ALK: variants seen among roughly 807,000 people sequenced by gnomAD.
The protein encoded by ALK is ALK receptor tyrosine kinase, also known as ALK tyrosine kinase receptor.
A neutral mutation model predicts 163.1 loss-of-function variants in ALK; 74 were observed. The observed-to-expected ratio is 0.45, with a 90% CI of 0.38 to 0.55. The LOEUF (loss-of-function observed/expected upper bound fraction) is 0.55. ALK is among the 20% of genes least tolerant of loss of function. The pLI is 0.00. For missense variants in ALK, 2,063 were observed against 2,105.3 expected (o/e 0.98, Z 0.39); for synonymous variants, 960 against 843.2 (o/e 1.14, Z -2.40).
At chr2:29,636,858 T>C (rs1676548950) in intron 3 of ALK, among the ~76,000 whole-genome samples, 1 of 152,190 alleles carries the variant, frequency 6.6e-6, no homozygotes, top group Admixed American at 6.5e-5. Context: ...TATCATTAAC[T>C]ATTAGGAAAA....
chr2:29,612,625 C>G (rs946216749), intron 3 of ALK, among the ~76,000 whole-genome samples: 1 of 152,206 alleles, frequency 6.6e-6, no homozygotes, highest in Admixed American at 6.5e-5. Flanking sequence ...AAACTTCTCT[C>G]TCTTTTCACC....
At chr2:29,537,129 G>A (rs1303028996) in intron 3 of ALK, among the ~76,000 whole-genome samples, 1 of 152,214 alleles carries the variant, frequency 6.6e-6, no homozygotes, top group Non-Finnish European at 1.5e-5. Context: ...TTTCAGGGGA[G>A]GAATTCAAGT....
intron 3 of ALK, among the ~76,000 whole-genome samples, chr2:29,671,050 T>G (rs1164329670): frequency 6.6e-6 from 1 of 152,054 alleles, no homozygotes; most frequent in Non-Finnish European, 1.5e-5. Context: ...CCCTGTTAGC[T>G]GTTGTTTTGT....
At chr2:29,655,899 T>A (rs1331754616) in intron 3 of ALK, among the ~76,000 whole-genome samples, 1 of 152,194 alleles carries the variant, frequency 6.6e-6, no homozygotes, top group African/African-American at 2.4e-5. Flanking sequence ...TGACATATGG[T>A]CATGCTAGCT....
chr2:29,810,629 C>A (rs1313308337), intron 1 of ALK, among the ~76,000 whole-genome samples: 1 of 152,108 alleles, frequency 6.6e-6, no homozygotes, highest in Non-Finnish European at 1.5e-5. Flanking sequence ...ACTGGCCTGA[C>A]AACTTTGTGC....
chr2:29,701,623 C>T (rs1053820650), intron 2 of ALK, among the ~76,000 whole-genome samples: 1 of 152,150 alleles, frequency 6.6e-6, no homozygotes, highest in African/African-American at 2.4e-5. Context: ...GCAACGCATG[C>T]TGTAGTGTGT....
At chr2:29,837,506 T>A (rs1209849230) in intron 1 of ALK, among the ~76,000 whole-genome samples, 2 of 152,114 alleles carry the variant, frequency 1.3e-5, no homozygotes, top group African/African-American at 4.8e-5. Flanking sequence ...AGATAATTGC[T>A]CCCATAACTG....
At chr2:29,461,717 C>T (rs922440373) in intron 4 of ALK, among the ~76,000 whole-genome samples, 3 of 152,220 alleles carry the variant, frequency 2.0e-5, no homozygotes, top group East Asian at 3.9e-4. Context: ...ATAAGGAAGT[C>T]AATATTGTAT....
intron 3 of ALK, among the ~76,000 whole-genome samples, chr2:29,620,116 G>A (rs1675987096): frequency 6.6e-6 from 1 of 152,198 alleles, no homozygotes; most frequent in Non-Finnish European, 1.5e-5. Context: ...TTAAAAGTAG[G>A]AAAAACTTTG....
intron 2 of ALK, among the ~76,000 whole-genome samples, chr2:29,714,621 C>T (rs1296700722): frequency 6.6e-6 from 1 of 152,178 alleles, no homozygotes; most frequent in Admixed American, 6.5e-5. Flanking sequence ...CACCAGGATG[C>T]AGGTGAAGAC....
At chr2:29,720,329 A>G (rs565504796) in intron 1 of ALK, among the ~76,000 whole-genome samples, 2 of 152,288 alleles carry the variant, frequency 1.3e-5, no homozygotes, top group East Asian at 1.9e-4. Flanking sequence ...AGCCTTTTAT[A>G]TCACAAAACA....
In ALK at chr2:29,473,146, T is replaced by C. The variant is rs78511850; in HGVS notation, c.1154+58769A>G. Among the ~76,000 whole-genome samples, 1,350 of 152,344 alleles carry C rather than the reference T, an allele frequency of 8.9e-3. 17 individuals carry two copies. Among genetic ancestry groups the C allele is most frequent in the African/African-American group, 0.03 (1,238 of 41,576 alleles). ...AGCTCCTGTATTTAAAACAGTGTGG[T>C]ACTTGTGCAAATATAGACAAACAGA... On this transcript the variant is annotated intron_variant, in intron 4 of 28. Coordinates refer to ENST00000389048, the MANE Select transcript of ALK (RefSeq NM_004304.5).
chr2:29,761,587 A>G (rs907329818), intron 1 of ALK, among the ~76,000 whole-genome samples: 2 of 152,246 alleles, frequency 1.3e-5, no homozygotes, highest in African/African-American at 4.8e-5. Context: ...GGAAATGTTC[A>G]GTGGAATTTA....
intron 6 of ALK, among the ~76,000 whole-genome samples, chr2:29,323,607 G>A (rs1667142683): frequency 6.6e-6 from 1 of 152,224 alleles, no homozygotes; most frequent in Non-Finnish European, 1.5e-5. Context: ...AAGGAGAGCT[G>A]AGGATTTCCA....
intron 3 of ALK, among the ~76,000 whole-genome samples, chr2:29,659,069 T>G (rs1470048020): frequency 6.6e-6 from 1 of 152,136 alleles, no homozygotes; most frequent in Non-Finnish European, 1.5e-5. Flanking sequence ...GATGATGATG[T>G]TAAAGTCCTA....
intron 23 of ALK, among the ~76,000 whole-genome samples, chr2:29,219,633 C>T (rs1382744671): frequency 6.6e-6 from 1 of 152,240 alleles, no homozygotes; most frequent in Non-Finnish European, 1.5e-5. Context: ...CTGCTGAAGA[C>T]CTGCAGACCC....
chr2:29,913,389 T>TCACC (rs1181378512), intron 1 of ALK, among the ~76,000 whole-genome samples: 2 of 152,170 alleles, frequency 1.3e-5, no homozygotes, highest in East Asian at 3.9e-4. Context: ...CTCCACTACC[T>TCACC]CACCACCAGG....
intron 3 of ALK, among the ~76,000 whole-genome samples, chr2:29,583,727 C>T (rs1304203010): frequency 6.6e-6 from 1 of 152,274 alleles, no homozygotes; most frequent in Middle Eastern, 3.4e-3. Flanking sequence ...GTCACACTCA[C>T]CTGATGAACC....
chr2:29,289,619 T>C (rs1178610966), intron 9 of ALK, among the ~76,000 whole-genome samples: 2 of 152,114 alleles, frequency 1.3e-5, no homozygotes. Flanking sequence ...TGTATATATA[T>C]ATATGGCATC....
Sources: gnomAD v4.1 joint callset for allele counts (sites outside exome capture counted in the v4.1 genomes callset) on GRCh38, gnomAD v4.1.1 for gene constraint, MANE v1.5 for transcripts, NCBI Gene and HGNC (gene_info 2026-07-23, HGNC 2026-07-21) for gene names.